Variants in OXSR1 observed in about 807,000 individuals in gnomAD.
OXSR1 encodes oxidative stress responsive kinase 1.
OXSR1 carries 24 observed loss-of-function variants against 79.8 expected under a neutral mutation model. The ratio of observed to expected loss-of-function variants is 0.30; its 90% CI spans 0.22 to 0.42. The LOEUF (loss-of-function observed/expected upper bound fraction) is 0.42. OXSR1 is among the 10% of genes least tolerant of loss of function. OXSR1 has a pLI of 1.00. For missense variants in OXSR1, 430 were observed against 618.4 expected, an observed-to-expected ratio of 0.70 and a Z score of 3.23; for synonymous variants, 226 against 209.2, an observed-to-expected ratio of 1.08 and a Z score of -0.69.
intron 1 of OXSR1, among the ~76,000 whole-genome samples, chr3:38,176,584 T>C (rs1432255221): frequency 6.6e-6 from 1 of 152,250 alleles, no homozygotes; most frequent in Non-Finnish European, 1.5e-5. Flanking sequence ...AATATGAAGA[T>C]GGATGAAAGT....
At chr3:38,238,620 A>G (rs1033850407) in intron 11 of OXSR1, among the ~76,000 whole-genome samples, 5 of 152,068 alleles carry the variant, frequency 3.3e-5, no homozygotes, top group Admixed American at 1.3e-4. Flanking sequence ...TCAGCATTTT[A>G]AAGATGTTTC....
At chr3:38,190,691 C>A in intron 2 of OXSR1, 40 bp from the exon 3 acceptor site, 1 of 1,140,040 alleles carries the variant, frequency 8.8e-7, no homozygotes, top group Non-Finnish European at 1.3e-6. Context: ...TTGTTTTAGG[C>A]TTGCATATAA....
chr3:38,255,234 G>A lies in OXSR1; in HGVS notation c.*2343G>A, dbSNP rs1399907812. 6.6e-6 allele frequency: 1 copy of A among 152,608 alleles called. No individual in the cohort carries two copies. The highest frequency in any genetic ancestry group is 2.1e-4 in the South Asian group (1 of 4,832). 9.5% of individuals were successfully genotyped at this position (152,608 alleles called of 1,614,324 possible). On this transcript the variant is annotated 3_prime_UTR_variant, in exon 18 of 18. Transcript: ENST00000311806. Reference sequence around the variant, plus strand: ...TATGTGCCAATGCTATTTGTGAAATGTTTGGTCTTTCTAAACGACTAAAGG... The same window carrying A: ...TATGTGCCAATGCTATTTGTGAAATATTTGGTCTTTCTAAACGACTAAAGG...
chr3:38,190,817 T>C lies in OXSR1; in HGVS notation c.270T>C (p.Leu90=). The C allele has an allele frequency of 1.9e-6, 3 of 1,600,004 alleles. No individual in the cohort carries two copies. Among genetic ancestry groups the C allele is most frequent in the Non-Finnish European group, 2.6e-6 (3 of 1,167,354 alleles). The change falls in exon 3 of 18, where the codon CTT becomes CTC. Residue 90 remains leucine (L), a synonymous_variant. Transcript: ENST00000311806. ...TSFVVKDELW[L]VMKLLSGGSV... ...TTGTGGTAAAAGATGAGCTGTGGCT[T>C]GTCATGAAGCTGCTAAGTGGAGGTG...
At chr3:38,237,505 T>C (rs1381157816) in intron 11 of OXSR1, among the ~76,000 whole-genome samples, 1 of 152,210 alleles carries the variant, frequency 6.6e-6, no homozygotes, top group Non-Finnish European at 1.5e-5. Context: ...GAAGTGTTTA[T>C]AAGGAAATAT....
chr3:38,249,006 A>G (rs1703201092), intron 14 of OXSR1, among the ~76,000 whole-genome samples: 1 of 152,218 alleles, frequency 6.6e-6, no homozygotes, highest in Non-Finnish European at 1.5e-5. Context: ...TTCAGGTAGT[A>G]TATACATGCA....
rs190029098 is a variant in OXSR1 at position 38,222,244 on chromosome 3, G to C, written c.600+557G>C. On this transcript the variant is annotated intron_variant, in intron 6 of 17. Transcript: ENST00000311806. ...ATTAGTCACATATACTCACAGCCTA[G>C]GGGAGGAGGATAACTGCATGCTGTG... 2.7e-4 allele frequency among the ~76,000 whole-genome samples: 41 copies of C among 152,294 alleles called. 1 individual carries two copies. Among genetic ancestry groups the C allele is most frequent in the Admixed American group, 2.4e-3 (36 of 15,288 alleles).
At chr3:38,167,610 A>G (rs1339875445) in intron 1 of OXSR1, among the ~76,000 whole-genome samples, 1 of 152,024 alleles carries the variant, frequency 6.6e-6, no homozygotes, top group Non-Finnish European at 1.5e-5. Context: ...TTAAAGCAAT[A>G]TTGGTTCGTA....
rs1703222063 is a variant in OXSR1, at chr3:38,249,974, A to G, written c.1331A>G (p.Lys444Arg). 4 of 1,585,642 alleles carry G rather than the reference A, an allele frequency of 2.5e-6. No homozygotes were observed. Among genetic ancestry groups the G allele is most frequent in the Non-Finnish European group, 3.5e-6 (4 of 1,157,584 alleles). Reference sequence around the variant, plus strand: ...TCTGCTTTCTTTCATAGGAATTCCAAAAAAGAACTAAATGATATTCGATTT... The same window carrying G: ...TCTGCTTTCTTTCATAGGAATTCCAGAAAAGAACTAAATGATATTCGATTT... The part of the protein sequence containing the change: ...ISLVLRLRNS[K>R]KELNDIRFEF... Residue 444 changes from lysine to arginine, a missense_variant, in exon 15 of 18, where the codon AAA becomes AGA. Physicochemically the swap from Lys to Arg is conservative, Grantham distance 26. Coordinates refer to ENST00000311806, the MANE Select transcript of OXSR1 (RefSeq NM_005109.3).
At chr3:38,173,239 T>G (rs1219472284) in intron 1 of OXSR1, among the ~76,000 whole-genome samples, 17 of 152,224 alleles carry the variant, frequency 1.1e-4, no homozygotes, top group Admixed American at 9.2e-4. Flanking sequence ...ATTGTATGTT[T>G]GCTAAGCAAC....
At chr3:38,226,625 C>T (rs1423238552) in intron 8 of OXSR1, among the ~76,000 whole-genome samples, 1 of 151,882 alleles carries the variant, frequency 6.6e-6, no homozygotes. Context: ...ATGAGAAGGG[C>T]ATATATATAA....
Position 38,196,023 on chromosome 3 carries a change from G to T in OXSR1, c.293-2699G>T, listed in dbSNP as rs116475720. On this transcript the variant is annotated intron_variant, in intron 3 of 17. Coordinates refer to ENST00000311806, the MANE Select transcript of OXSR1 (RefSeq NM_005109.3). ...TGCCTTTTAAAATCCAGCTTCTTGG[G>T]CCCTACCTCAGTTCTCTTGAATGAC... Among the ~76,000 whole-genome samples, 1,191 of 152,164 alleles carry T rather than the reference G, an allele frequency of 7.8e-3. 7 individuals are homozygous for T. The highest frequency in any genetic ancestry group is 0.011 in the Non-Finnish European group (726 of 67,992).
chr3:38,165,275 C>G (rs1407873732), upstream of OXSR1: 1 of 152,558 alleles, frequency 6.6e-6, no homozygotes. Context: ...CTTTGCTGCC[C>G]TTTGGTCGCC....
intron 11 of OXSR1, among the ~76,000 whole-genome samples, chr3:38,240,156 A>G (rs975391507): frequency 3.3e-5 from 5 of 152,198 alleles, no homozygotes; most frequent in African/African-American, 1.2e-4. Flanking sequence ...TGAATATAGT[A>G]TTTGACTATG....
chr3:38,228,481 G>A (rs1575357023), intron 8 of OXSR1, among the ~76,000 whole-genome samples: 1 of 152,070 alleles, frequency 6.6e-6, no homozygotes, highest in Non-Finnish European at 1.5e-5. Context: ...AATGCCTATT[G>A]GAATTACCTG....
At chr3:38,201,486 G>A (rs960116891) in intron 4 of OXSR1, among the ~76,000 whole-genome samples, 17 of 151,990 alleles carry the variant, frequency 1.1e-4, no homozygotes, top group Non-Finnish European at 2.2e-4. Flanking sequence ...TGAGGCGGGC[G>A]GATCATGAGG....
chr3:38,248,626 A>G (rs1330361270), intron 14 of OXSR1, among the ~76,000 whole-genome samples: 1 of 152,154 alleles, frequency 6.6e-6, no homozygotes. Flanking sequence ...AGCAAGAGCT[A>G]TTTAAGAGAA....
chr3:38,197,753 T>C (rs919006598), intron 3 of OXSR1, among the ~76,000 whole-genome samples: 1 of 152,216 alleles, frequency 6.6e-6, no homozygotes, highest in South Asian at 2.1e-4. Context: ...TTTGGAAGTA[T>C]ATTTTTTCTT....
chr3:38,206,042 C>G (rs1702258312), intron 4 of OXSR1, among the ~76,000 whole-genome samples: 2 of 152,038 alleles, frequency 1.3e-5, no homozygotes, highest in South Asian at 4.1e-4. Context: ...CATTTTTGTT[C>G]TATCTAAAGA....
Sources: allele counts gnomAD v4.1 joint callset (sites outside exome capture counted in the v4.1 genomes callset), GRCh38; gene constraint gnomAD v4.1.1; transcripts MANE v1.5; gene names NCBI Gene and HGNC (gene_info 2026-07-23, HGNC 2026-07-21).